Variants in UTP20 observed in about 807,000 individuals in gnomAD.
UTP20 encodes the protein small subunit processome component 20 homolog.
In UTP20, 164 loss-of-function variants were observed where a neutral mutation model predicts 329.5. The observed-to-expected ratio is 0.50, with a 90% CI of 0.44 to 0.57. The LOEUF (loss-of-function observed/expected upper bound fraction) is 0.57. Among genes scored for constraint, UTP20 ranks in the 20% least tolerant of loss-of-function variants. The pLI is 0.00. For missense variants in UTP20, 3,055 were observed against 3,284.2 expected (o/e 0.93, Z 1.71); for synonymous variants, 1,151 against 1,159.3 (o/e 0.99, Z 0.14).
chr12:101,320,527 G>A (rs1238067940), intron 23 of UTP20, among the ~76,000 whole-genome samples: 1 of 151,780 alleles, frequency 6.6e-6, no homozygotes, highest in Non-Finnish European at 1.5e-5. Flanking sequence ...CTGCACTCCA[G>A]CCTGGAAAAC....
intron 47 of UTP20, 49 bp downstream of exon 47, chr12:101,366,748 C>T: frequency 1.9e-6 from 3 of 1,573,816 alleles, no homozygotes; most frequent in Non-Finnish European, 2.6e-6. Context: ...GGAGTCTGCA[C>T]CTTTTAGTCT....
At chr12:101,285,333 G>A (rs1336555061) in intron 2 of UTP20, among the ~76,000 whole-genome samples, 1 of 151,898 alleles carries the variant, frequency 6.6e-6, no homozygotes, top group African/African-American at 2.4e-5. Context: ...ATATATATAG[G>A]CCCCAGAAAA....
Position 101,282,968 on chromosome 12 carries a change from A to T in UTP20, c.126+1772A>T, listed in dbSNP as rs1242829208. Among the ~76,000 whole-genome samples, 4 of 152,238 alleles carry T rather than the reference A, an allele frequency of 2.6e-5. No individual in the cohort carries two copies. In the East Asian group the frequency reaches 7.7e-4, roughly 29 times the overall value. On this transcript the variant is annotated intron_variant, in intron 2 of 61. Coordinates refer to ENST00000261637, the MANE Select transcript of UTP20 (RefSeq NM_014503.3). ...GGCTGAATGGTTGAGGATGTTACTC[A>T]TCAAGATATATTTATAGGTAAAGGA...
intron 26 of UTP20, among the ~76,000 whole-genome samples, chr12:101,328,416 A>C (rs1191936311): frequency 1.3e-5 from 2 of 152,240 alleles, no homozygotes; most frequent in Non-Finnish European, 2.9e-5. Flanking sequence ...AGCTGTTTAT[A>C]AGGGACTCTG....
In UTP20 at chr12:101,285,737, T is replaced by C. The variant is rs749305947; in HGVS notation, c.194-12T>C. ...TGATAGAAAAGAACATATTTTTTTT[T>C]CCCCCACTCAGGAAAATTTTACAAA... On this transcript the variant is annotated splice_polypyrimidine_tract_variant and intron_variant, in intron 3 of 61. Coordinates refer to ENST00000261637, the MANE Select transcript of UTP20 (RefSeq NM_014503.3). 2.2e-5 allele frequency: 36 copies of C among 1,612,934 alleles called. No homozygotes were observed. Among genetic ancestry groups the C allele is most frequent in the South Asian group, 5.5e-5 (5 of 91,008 alleles).
intron 43 of UTP20, among the ~76,000 whole-genome samples, chr12:101,360,435 A>G (rs1405419999): frequency 6.6e-6 from 1 of 152,186 alleles, no homozygotes; most frequent in African/African-American, 2.4e-5. Flanking sequence ...GACTTTTATG[A>G]TGAGACAGTG....
chr12:101,342,481 C>T lies in UTP20; in HGVS notation c.4137C>T (p.Asn1379=), dbSNP rs1455765806. 4.3e-6 allele frequency: 7 copies of T among 1,611,102 alleles called. No individual in the cohort carries two copies. The highest frequency in any genetic ancestry group is 3.4e-5 in the Admixed American group (2 of 59,238). Residue 1379 remains asparagine, a synonymous_variant, in exon 33 of 62, where the codon AAC becomes AAT. Transcript: ENST00000261637. ...TEVDILVTVQ[N]LLKHCVDPTS... ...TTGATATTCTGGTGACAGTACAAAA[C>T]TTGTTAAAGCATTGTGTGGACCCTA...
rs756791850 is a variant in UTP20, at chr12:101,365,517, G to A, written c.6017G>A (p.Arg2006Gln). 8.1e-6 allele frequency: 13 copies of A among 1,612,542 alleles called. No homozygotes were observed. Among genetic ancestry groups the A allele is most frequent in the African/African-American group, 5.3e-5 (4 of 74,792 alleles). The change falls in exon 46 of 62, where the codon CGA (arginine) becomes CAA (glutamine). Residue 2006 changes from arginine to glutamine, a missense_variant. Coordinates refer to ENST00000261637, the MANE Select transcript of UTP20 (RefSeq NM_014503.3). ...LARKVHETLRRITVGLIVNQE... is the reference protein window; with the variant it reads ...LARKVHETLRQITVGLIVNQE... ...CGGAAAGTTCATGAAACTTTACGCC[G>A]AATCACAGTGGGATTAATTGTAAAT...
chr12:101,374,230 G>A (rs1228666245), intron 54 of UTP20, among the ~76,000 whole-genome samples: 23 of 148,118 alleles, frequency 1.6e-4, no homozygotes, highest in African/African-American at 3.5e-4. Flanking sequence ...GCGAGACTCC[G>A]TCTCAAAAAA....
chr12:101,385,882 G>T, intron 61 of UTP20, 86 bp from the exon 62 acceptor site: 1 of 1,450,350 alleles, frequency 6.9e-7, no homozygotes, highest in Non-Finnish European at 9.2e-7. Context: ...ATGAGCATGT[G>T]TTTTTTACAT....
chr12:101,316,495 A>G (rs543164007), intron 21 of UTP20, among the ~76,000 whole-genome samples: 126 of 152,326 alleles, frequency 8.3e-4, no homozygotes, highest in African/African-American at 2.9e-3. Context: ...TGATTTATTA[A>G]GTGCTAGATT....
At chr12:101,347,061 A>G (rs76789778) in intron 38 of UTP20, among the ~76,000 whole-genome samples, 3,189 of 152,200 alleles carry the variant, frequency 0.021, 118 homozygotes, top group African/African-American at 0.074. Flanking sequence ...TTCAACTACT[A>G]TTTTACAGGA....
At chr12:101,291,915 G>C in intron 9 of UTP20, 27 bp downstream of exon 9, 1 of 1,607,716 alleles carries the variant, frequency 6.2e-7, no homozygotes, top group African/African-American at 1.3e-5. Context: ...ATATGCTCGA[G>C]AGTCTGGTTT....
At chr12:101,290,611 A>C in intron 7 of UTP20, 122 bp from the exon 8 acceptor site, 1 of 1,112,578 alleles carries the variant, frequency 9.0e-7, no homozygotes, top group African/African-American at 1.6e-5. Context: ...CAAAGTTGCC[A>C]TATCCTTGAC....
chr12:101,285,496 T>C, intron 2 of UTP20, 74 bp from the exon 3 acceptor site: 1 of 1,462,502 alleles, frequency 6.8e-7, no homozygotes, highest in Non-Finnish European at 9.5e-7. Context: ...GATATTAATA[T>C]ATCATTATTC....
intron 2 of UTP20, among the ~76,000 whole-genome samples, chr12:101,282,111 G>A (rs968362516): frequency 1.3e-5 from 2 of 152,120 alleles, no homozygotes; most frequent in Non-Finnish European, 2.9e-5. Flanking sequence ...ATCTCAGTTC[G>A]TAATATTCTT....
chr12:101,354,700 A>C (rs1234827421), intron 40 of UTP20, 132 bp from the exon 41 acceptor site: 4 of 918,796 alleles, frequency 4.4e-6, no homozygotes, highest in East Asian at 2.5e-5. Flanking sequence ...CTCAGCACTT[A>C]CCTTGCCTGC....
chr12:101,362,526 A>ATTTGTAATTTATAATTAG (rs1555202275), intron 44 of UTP20, among the ~76,000 whole-genome samples: 29 of 137,630 alleles, frequency 2.1e-4, no homozygotes, highest in East Asian at 5.3e-4. Flanking sequence ...CAACATGGTG[A>ATTTGTAATTTATAATTAG]AACCCCGTCT....
chr12:101,368,100 G>A lies in UTP20; in HGVS notation c.6384+124G>A, dbSNP rs1423367899. ...GAGATGATTGAGGTGTTTTTGTTTGGTTGGTGGGTTTTTTGGGGTTTTTGG... is the reference window on the plus strand; with the variant it reads ...GAGATGATTGAGGTGTTTTTGTTTGATTGGTGGGTTTTTTGGGGTTTTTGG... On this transcript the variant is annotated intron_variant, in intron 48 of 61. Coordinates refer to ENST00000261637, the MANE Select transcript of UTP20 (RefSeq NM_014503.3). 2.5e-5 allele frequency: 17 copies of A among 693,638 alleles called. No individual in the cohort carries two copies. The East Asian group carries it at 3.0e-4, about 12-fold the overall frequency. 43.0% of individuals were successfully genotyped at this position (693,638 alleles called of 1,614,324 possible).
Sources: allele counts gnomAD v4.1 joint callset (sites outside exome capture counted in the v4.1 genomes callset), GRCh38; gene constraint gnomAD v4.1.1; transcripts MANE v1.5; gene names NCBI Gene and HGNC (gene_info 2026-07-23, HGNC 2026-07-21).